The following KIF2C variants were observed in gnomAD, a reference collection of about 807,000 sequenced individuals.
KIF2C encodes the protein kinesin-like protein KIF2C.
A neutral mutation model predicts 97.4 loss-of-function variants in KIF2C; 34 were observed. The ratio of observed to expected loss-of-function variants is 0.35; its 90% confidence interval spans 0.27 to 0.46. The LOEUF (loss-of-function observed/expected upper bound fraction) is 0.46, where lower values mean the gene tolerates loss of function less well. KIF2C is among the 20% of genes least tolerant of loss of function. The probability of loss-of-function intolerance (pLI) is 1.00; values close to 1 mark genes in which losing one functional copy is unlikely to be tolerated. For missense variants in KIF2C, 750 were observed against 907.6 expected (o/e 0.83, Z 2.23); for synonymous variants, 313 against 318.2 (o/e 0.98, Z 0.17).
rs145224235 is a variant in KIF2C, at chr1:44,760,420, C to G, written c.1508C>G (p.Ser503Cys). 11 of 1,614,110 alleles carry G rather than the reference C, an allele frequency of 6.8e-6. No homozygotes were observed. Among genetic ancestry groups the G allele is most frequent in the South Asian group, 1.1e-5 (1 of 91,088 alleles). Residue 503 changes from serine (S) to cysteine (C), a missense_variant, in exon 15 of 21, where the codon TCC (serine) becomes TGC (cysteine). By Grantham distance (112) the Ser-to-Cys change is moderately radical. Coordinates refer to ENST00000372224, the MANE Select transcript of KIF2C (RefSeq NM_006845.4). This position sits in a 1 kb window ranked among gnomAD's most constrained non-coding sequence, Gnocchi z 4.2. ...GGGAATGAGCGAGGCGCGGACACTT[C>G]CAGTGCTGACCGGCAGACCCGCATG... The part of the protein sequence containing the change: ...LAGNERGADT[S>C]SADRQTRMEG...
At chr1:44,764,132 G>A (rs1443675889) in intron 19 of KIF2C, among the ~76,000 whole-genome samples, 1 of 152,008 alleles carries the variant, frequency 6.6e-6, no homozygotes, top group Non-Finnish European at 1.5e-5. Context: ...AGATATACAA[G>A]CATGAAAATC....
intron 13 of KIF2C, among the ~76,000 whole-genome samples, 195 bp downstream of exon 13, chr1:44,758,335 G>T (rs3795714): frequency 0.17 from 26,055 of 152,060 alleles, 2,362 homozygotes; most frequent in East Asian, 0.27. Context: ...AAGAAGTATG[G>T]CAAGAATACT....
At chr1:44,749,879 C>G (rs942601294) in intron 4 of KIF2C, among the ~76,000 whole-genome samples, 1 of 151,644 alleles carries the variant, frequency 6.6e-6, no homozygotes, top group Non-Finnish European at 1.5e-5. Flanking sequence ...GAGATTGAGA[C>G]CATGCTGGCC....
rs115867900 is a variant in KIF2C at position 44,747,446 on chromosome 1, G to A, written c.228G>A (p.Pro76=). 1.2e-3 allele frequency: 1,893 copies of A among 1,609,824 alleles called. 1 individual carries two copies. The highest frequency in any genetic ancestry group is 1.5e-3 in the Non-Finnish European group (1,764 of 1,179,032). ...PELLQLLPLH[P]KDNLPLQENV... is the part of the protein sequence containing the mutation. ...TCTTACAGCTTCTTCCCTTACATCC[G>A]AAGGACAATCTGCCCTTGCAGGAAA... The change falls in exon 3 of 21, where the codon CCG becomes CCA. Residue 76 remains proline, a synonymous_variant. Transcript: ENST00000372224.
Position 44,750,540 on chromosome 1 carries a change from T to C in KIF2C, c.415T>C (p.Ser139Pro). 1 of 1,584,650 alleles carries C rather than the reference T, an allele frequency of 6.3e-7. No individual in the cohort carries two copies. Among genetic ancestry groups the C allele is most frequent in the South Asian group, 1.1e-5 (1 of 87,788 alleles). ...MEVELPAAANSRKQFSVPPAP... is the reference protein window; with the variant it reads ...MEVELPAAANPRKQFSVPPAP... ...GGTGGAGCTGCCTGCAGCTGCAAAC[T>C]CCCGCAAGCAGTTTTCAGTTCCTCG... Residue 139 changes from serine (S) to proline (P), a missense_variant, in exon 5 of 21, where the codon TCC becomes CCC. Physicochemically the swap from Ser to Pro is moderately conservative, Grantham distance 74. Transcript: ENST00000372224.
At chr1:44,753,859 A>C in intron 7 of KIF2C, 26 bp downstream of exon 7, 1 of 1,467,576 alleles carries the variant, frequency 6.8e-7, no homozygotes, top group Non-Finnish European at 9.4e-7. Context: ...GACTAGGGTA[A>C]GGGTTTTTGG....
intron 2 of KIF2C, among the ~76,000 whole-genome samples, chr1:44,744,104 T>G (rs1013097521): frequency 3.3e-5 from 5 of 152,134 alleles, no homozygotes; most frequent in African/African-American, 1.2e-4. Flanking sequence ...GTTTGTTTGT[T>G]TTTTGAGACA....
At chr1:44,740,841 ATC>A in intron 1 of KIF2C, 70 bp from the exon 2 acceptor site, 1 of 887,010 alleles carries the variant, frequency 1.1e-6, no homozygotes, top group South Asian at 1.8e-5. Context: ...CACTTTGGGA[ATC>A]TCTGTGGAAT....
intron 4 of KIF2C, among the ~76,000 whole-genome samples, chr1:44,749,943 C>G (rs12742914): frequency 0.96 from 145,159 of 151,776 alleles, 70,151 homozygotes; most frequent in Non-Finnish European, 0.99. Context: ...TTAGCTGGGT[C>G]TGGTGGTGCA....
intron 19 of KIF2C, among the ~76,000 whole-genome samples, chr1:44,763,312 CAG>C (rs1301184728): frequency 1.3e-5 from 2 of 152,104 alleles, no homozygotes; most frequent in African/African-American, 4.8e-5. Flanking sequence ...GTGGGGCGCT[CAG>C]AGGATTGCAG....
chr1:44,765,580 A>AAT (rs1402828349), intron 19 of KIF2C, among the ~76,000 whole-genome samples: 8 of 152,204 alleles, frequency 5.3e-5, no homozygotes, highest in Non-Finnish European at 1.2e-4. Flanking sequence ...TATGCCTATA[A>AAT]TCCCAGCACT....
At chr1:44,758,225 A>T in intron 13 of KIF2C, 85 bp downstream of exon 13, 2 of 1,153,166 alleles carry the variant, frequency 1.7e-6, no homozygotes, top group Non-Finnish European at 2.5e-6. Flanking sequence ...TGAGGCCAAA[A>T]ACCTATTAGC....
intron 1 of KIF2C, 113 bp from the exon 2 acceptor site, chr1:44,740,798 TTA>T: frequency 4.7e-6 from 2 of 424,348 alleles, no homozygotes; most frequent in Non-Finnish European, 4.4e-6. Flanking sequence ...TTTTTTTTTT[TTA>T]AGGTAGCTGC....
intron 2 of KIF2C, chr1:44,746,458 T>C: frequency 8.3e-7 from 1 of 1,201,690 alleles, no homozygotes; most frequent in Non-Finnish European, 1.0e-6. Context: ...TAGGTAGTCT[T>C]AGGGTTAGGT....
At chr1:44,763,521 G>A (rs544238709) in intron 19 of KIF2C, among the ~76,000 whole-genome samples, 1 of 152,258 alleles carries the variant, frequency 6.6e-6, no homozygotes, top group African/African-American at 2.4e-5. Flanking sequence ...TTAAGGCTGT[G>A]GACAGGTCAA....
chr1:44,753,139 C>A lies in KIF2C; in HGVS notation c.447C>A (p.Pro149=), dbSNP rs776712366. 2.0e-5 allele frequency: 33 copies of A among 1,612,388 alleles called. No individual in the cohort carries two copies. In the East Asian group the frequency reaches 7.4e-4, roughly 36 times the overall value. Residue 149 remains proline (P), a synonymous_variant, in exon 6 of 21, where the codon CCC becomes CCA. Coordinates refer to ENST00000372224, the MANE Select transcript of KIF2C (RefSeq NM_006845.4). ...SRKQFSVPPA[P]TRPSCPAVAE... Reference sequence around the variant, plus strand: ...ACTCTTGTTCCCCTACAGCTGCCCCCACTAGGCCTTCCTGCCCTGCAGTGG... The same window carrying A: ...ACTCTTGTTCCCCTACAGCTGCCCCAACTAGGCCTTCCTGCCCTGCAGTGG...
At chr1:44,746,395 A>G (rs1649197988) in intron 2 of KIF2C, 1 of 1,097,558 alleles carries the variant, frequency 9.1e-7, no homozygotes, top group Non-Finnish European at 1.1e-6. Context: ...GAAATAGGTA[A>G]GGCATGGGCA....
At position 44,739,879 on chromosome 1, in the gene KIF2C, G is replaced by C. The variant is rs1011155303; in HGVS notation, c.-54G>C. 6 of 1,529,144 alleles carry C rather than the reference G, an allele frequency of 3.9e-6. No homozygotes were observed. The highest frequency in any genetic ancestry group is 1.7e-5 in the Admixed American group (1 of 59,846). 94.7% of individuals were successfully genotyped at this position (1,529,144 alleles called of 1,614,324 possible). ...GCGGCGTTAAGACTTCGTAGGGTTA[G>C]CGAAATTGAGGTTTCTTGGTATTGC... On this transcript the variant is annotated 5_prime_UTR_variant, in exon 1 of 21. Transcript: ENST00000372224.
At position 44,753,008 on chromosome 1, in the gene KIF2C, C is replaced by T. The variant is rs1649607560; in HGVS notation, c.440-124C>T. On this transcript the variant is annotated intron_variant, in intron 5 of 20. Coordinates refer to ENST00000372224, the MANE Select transcript of KIF2C (RefSeq NM_006845.4). ...GGTGAAGGGAAAAGCACAAGCTCTG[C>T]ACATACTGTAAGCCTTACCGAGCAG... is the stretch of plus-strand genomic sequence containing the variant. 3.4e-6 allele frequency: 4 copies of T among 1,191,892 alleles called. No individual in the cohort carries two copies. In the African/African-American group the frequency reaches 4.6e-5, roughly 14 times the overall value. 73.8% of individuals were successfully genotyped at this position (1,191,892 alleles called of 1,614,324 possible).
Sources: allele counts gnomAD v4.1 joint callset (sites outside exome capture counted in the v4.1 genomes callset), GRCh38; gene constraint gnomAD v4.1.1; non-coding constraint Gnocchi (gnomAD v3.1); transcripts MANE v1.5; gene names NCBI Gene and HGNC (gene_info 2026-07-23, HGNC 2026-07-21).